TDRD6: variants seen among roughly 807,000 people sequenced by gnomAD.
TDRD6 encodes the protein tudor domain containing 6.
TDRD6 carries 186 observed loss-of-function variants against 157.5 expected under a neutral mutation model. The observed-to-expected ratio is 1.18, with a 90% CI of 1.05 to 1.33. TDRD6 has a LOEUF of 1.33. Among genes scored for constraint, TDRD6 ranks in the 40% most tolerant of loss-of-function variants. TDRD6 has a pLI of 0.00. For missense variants in TDRD6, 3,066 were observed against 2,508.0 expected (o/e 1.22, Z -4.75); for synonymous variants, 1,075 against 945.2 (o/e 1.14, Z -2.52).
At chr6:46,681,839 A>G in the TDRD6 span, among the ~76,000 whole-genome samples, 1 of 152,166 alleles carries the variant, frequency 6.6e-6, no homozygotes, top group Non-Finnish European at 1.5e-5. Flanking sequence ...AAGTGAATAC[A>G]TACATGATTC....
chr6:46,697,171 T>G (rs1295089989), intron 2 of TDRD6, among the ~76,000 whole-genome samples: 1 of 152,330 alleles, frequency 6.6e-6, no homozygotes, highest in East Asian at 1.9e-4. Context: ...CTCTTACATA[T>G]ACCATCTGCT....
chr6:46,700,891 T>C (rs1764608354), intron 3 of TDRD6: 1 of 286,210 alleles, frequency 3.5e-6, no homozygotes, highest in South Asian at 3.0e-5. Flanking sequence ...TAGAAATACA[T>C]TTTGTTGTTT....
rs45448098 is a variant in TDRD6 at position 46,702,990 on chromosome 6, ACTCAGTGTG to A, written c.*1105_*1113del. 1.4e-3 allele frequency: 214 copies of A among 152,196 alleles called. No individual in the cohort carries two copies. Among genetic ancestry groups the A allele is most frequent in the African/African-American group, 5.0e-3 (208 of 41,562 alleles). 9.4% of individuals were successfully genotyped at this position (152,196 alleles called of 1,614,324 possible). A position where few individuals can be genotyped will look rare whatever the true frequency, so the allele number is the denominator to read the frequency against. The stretch of plus-strand genomic sequence containing the variant: ...TGTGTCTTTCTTTACCCTGAAAAAT[ACTCAGTGTG>A]CACTATGTTAGGTTATTTCTTTTTA... On this transcript the variant is annotated 3_prime_UTR_variant, in exon 4 of 4. Coordinates refer to ENST00000316081, the MANE Select transcript of TDRD6 (RefSeq NM_001010870.3).
intron 3 of TDRD6, among the ~76,000 whole-genome samples, chr6:46,700,595 A>G (rs1764600483): frequency 6.6e-6 from 1 of 152,188 alleles, no homozygotes; most frequent in South Asian, 2.1e-4. Flanking sequence ...ATTGGTTGTT[A>G]AAAGGAATAT....
rs1160811782 is a variant in TDRD6 at position 46,690,417 on chromosome 6, TAGTAAAGG to T, written c.2292_2299del (p.Ser764ArgfsTer16). The stretch of plus-strand genomic sequence containing the variant: ...GCTTGGAAATTAAGCCAGGCTCCTC[TAGTAAAGG>T]AGAGCTGGAAGTTGGAAGTACAGTA... On this transcript the variant is annotated frameshift_variant, in exon 1 of 4. Transcript: ENST00000316081. LOFTEE classifies it high-confidence loss of function. 6.2e-7 allele frequency: 1 copy of T among 1,613,924 alleles called. No individual in the cohort carries two copies. Among genetic ancestry groups the T allele is most frequent in the East Asian group, 2.2e-5 (1 of 44,900 alleles).
chr6:46,687,078 T>G (rs1233985698), upstream of TDRD6, among the ~76,000 whole-genome samples: 1 of 152,230 alleles, frequency 6.6e-6, no homozygotes, highest in Non-Finnish European at 1.5e-5. Flanking sequence ...AATGTAGACA[T>G]ATCCTGGAAA....
At chr6:46,698,144 G>T (rs1289023318) in intron 3 of TDRD6, 57 bp downstream of exon 3, 3 of 1,314,204 alleles carry the variant, frequency 2.3e-6, no homozygotes, top group Admixed American at 3.6e-5. Context: ...TTTGAAAGGT[G>T]ATTTAACAAA....
Position 46,695,963 on chromosome 6 carries a change from A to T in TDRD6, c.6171+18A>T. On this transcript the variant is annotated intron_variant, in intron 2 of 3. Coordinates refer to ENST00000316081, the MANE Select transcript of TDRD6 (RefSeq NM_001010870.3). ...GAACAAGGGTAAGTGATGTTTAAGTACTTTATCTCCAAATGTATTTGCAGA... is the reference window on the plus strand; with the variant it reads ...GAACAAGGGTAAGTGATGTTTAAGTTCTTTATCTCCAAATGTATTTGCAGA... 6.2e-7 allele frequency: 1 copy of T among 1,606,236 alleles called. No homozygotes were observed. The highest frequency in any genetic ancestry group is 8.5e-7 in the Non-Finnish European group (1 of 1,176,960).
Position 46,689,654 on chromosome 6 carries a change from A to G in TDRD6, c.1526A>G (p.His509Arg). 2 of 1,614,226 alleles carry G rather than the reference A, an allele frequency of 1.2e-6. No individual in the cohort carries two copies. The highest frequency in any genetic ancestry group is 1.7e-6 in the Non-Finnish European group (2 of 1,180,022). ...PSEFWIRLRK[H>R]NVTFSKLMRR... ...GAGTTTTGGATTAGGTTGAGGAAACACAATGTCACCTTCAGTAAGCTGATG... is the reference window on the plus strand; with the variant it reads ...GAGTTTTGGATTAGGTTGAGGAAACGCAATGTCACCTTCAGTAAGCTGATG... The change falls in exon 1 of 4, where the codon CAC becomes CGC. Residue 509 changes from histidine (H) to arginine (R), a missense_variant. By Grantham distance (29) the His-to-Arg change is conservative. Transcript: ENST00000316081.
In TDRD6 at chr6:46,690,880, C is replaced by G. The variant is rs746576872; in HGVS notation, c.2752C>G (p.Leu918Val). 1 of 1,613,584 alleles carries G rather than the reference C, an allele frequency of 6.2e-7. No individual in the cohort carries two copies. The highest frequency in any genetic ancestry group is 8.5e-7 in the Non-Finnish European group (1 of 1,179,884). Reference sequence around the variant, plus strand: ...TATAGATAATGCATGGCAAAAAAATCTAGAATTAAAATGTACAATATTTGC... The same window carrying G: ...TATAGATAATGCATGGCAAAAAAATGTAGAATTAAAATGTACAATATTTGC... ...EFIDNAWQKN[L>V]ELKCTIFALA... is the part of the protein sequence containing the mutation. Residue 918 changes from leucine to valine, a missense_variant, in exon 1 of 4, where the codon CTA (leucine) becomes GTA (valine). By Grantham distance (32) the Leu-to-Val change is conservative. Coordinates refer to ENST00000316081, the MANE Select transcript of TDRD6 (RefSeq NM_001010870.3).
At chr6:46,696,553 G>A (rs879805432) in intron 2 of TDRD6, among the ~76,000 whole-genome samples, 3 of 43,194 alleles carry the variant, frequency 6.9e-5, no homozygotes, top group Admixed American at 3.5e-4. Context: ...ATGTATATAT[G>A]TGTGTGTGTG....
At position 46,691,861 on chromosome 6, in the gene TDRD6, A is replaced by G. The variant is rs142171769; in HGVS notation, c.3733A>G (p.Asn1245Asp). The change falls in exon 1 of 4, where the codon AAT becomes GAT. Residue 1245 changes from asparagine (N) to aspartate (D), a missense_variant. Physicochemically the swap from Asn to Asp is conservative, Grantham distance 23. Coordinates refer to ENST00000316081, the MANE Select transcript of TDRD6 (RefSeq NM_001010870.3). ...CACTCAATATCAAGACTCTGTGGGAAATAAAAATAGTCAAGTGTTTCCATT... is the reference window on the plus strand; with the variant it reads ...CACTCAATATCAAGACTCTGTGGGAGATAAAAATAGTCAAGTGTTTCCATT... ...LVTQYQDSVG[N>D]KNSQVFPLTT... The G allele has an allele frequency of 8.2e-6, 13 of 1,593,356 alleles. No individual in the cohort carries two copies. Among genetic ancestry groups the G allele is most frequent in the East Asian group, 2.2e-5 (1 of 44,756 alleles).
Position 46,691,948 on chromosome 6 carries a change from G to A in TDRD6, c.3820G>A (p.Ala1274Thr), listed in dbSNP as rs1258811238. Residue 1274 changes from alanine to threonine, a missense_variant, in exon 1 of 4, where the codon GCT (alanine) becomes ACT (threonine). Transcript: ENST00000316081. The part of the protein sequence containing the change: ...ETPLKTARVE[A>T]TLSERKIGDS... ...ACCCTTGAAAACAGCAAGAGTAGAA[G>A]CTACTCTTTCAGAGAGAAAAATAGG... 2.1e-5 allele frequency: 34 copies of A among 1,611,962 alleles called. No homozygotes were observed. Among genetic ancestry groups the A allele is most frequent in the Non-Finnish European group, 2.9e-5 (34 of 1,179,502 alleles).
At position 46,688,680 on chromosome 6, in the gene TDRD6, G is replaced by A. The variant is rs1420167535; in HGVS notation, c.552G>A (p.Val184=). The A allele has an allele frequency of 2.4e-5, 38 of 1,600,254 alleles. No individual in the cohort carries two copies. The highest frequency in any genetic ancestry group is 2.9e-5 in the Non-Finnish European group (34 of 1,179,864). Residue 184 remains valine (V), a synonymous_variant, in exon 1 of 4, where the codon GTG becomes GTA. Transcript: ENST00000316081. The part of the protein sequence containing the change: ...LLLHRLVLLE[V]PDVFQQMREL... ...TCCATCGCCTGGTCCTCCTGGAGGT[G>A]CCTGATGTGTTCCAACAGATGCGGG...
Position 46,703,807 on chromosome 6 carries a change from TA to T in TDRD6, c.*1922del, listed in dbSNP as rs1764685111. 6.6e-6 allele frequency: 1 copy of T among 152,140 alleles called. No individual in the cohort carries two copies. The highest frequency in any genetic ancestry group is 2.1e-4 in the South Asian group (1 of 4,830). 9.4% of individuals were successfully genotyped at this position (152,140 alleles called of 1,614,324 possible). A position where few individuals can be genotyped will look rare whatever the true frequency, so the allele number is the denominator to read the frequency against. ...TTATCCTTCACAGCCTTTGTGTGAGTAACTAATGTATTCTAACTGGAATCCC... is the reference window on the plus strand; with the variant it reads ...TTATCCTTCACAGCCTTTGTGTGAGTACTAATGTATTCTAACTGGAATCCC... On this transcript the variant is annotated 3_prime_UTR_variant, in exon 4 of 4. Coordinates refer to ENST00000316081, the MANE Select transcript of TDRD6 (RefSeq NM_001010870.3).
rs1242449366 is a variant in TDRD6 at position 46,688,688 on chromosome 6, T to G, written c.560T>G (p.Val187Gly). The G allele has an allele frequency of 6.2e-7, 1 of 1,600,340 alleles. No individual in the cohort carries two copies. Among genetic ancestry groups the G allele is most frequent in the Non-Finnish European group, 8.5e-7 (1 of 1,179,806 alleles). ...CTGGTCCTCCTGGAGGTGCCTGATG[T>G]GTTCCAACAGATGCGGGAGCTGGGC... is the stretch of plus-strand genomic sequence containing the variant. ...HRLVLLEVPD[V>G]FQQMRELGLA... The change falls in exon 1 of 4, where the codon GTG becomes GGG. Residue 187 changes from valine (V) to glycine (G), a missense_variant. Transcript: ENST00000316081.
Position 46,693,659 on chromosome 6 carries a change from A to T in TDRD6, c.5531A>T (p.Glu1844Val). 6.2e-7 allele frequency: 1 copy of T among 1,614,220 alleles called. No homozygotes were observed. Among genetic ancestry groups the T allele is most frequent in the Non-Finnish European group, 8.5e-7 (1 of 1,180,044 alleles). ...SLEVPLSPDDESKEFLELESI... is the reference protein window; with the variant it reads ...SLEVPLSPDDVSKEFLELESI... The stretch of plus-strand genomic sequence containing the variant: ...GAGGTGCCGCTTTCTCCTGATGATG[A>T]ATCAAAAGAATTCTTAGAACTGGAA... Residue 1844 changes from glutamate (E) to valine (V), a missense_variant, in exon 1 of 4, where the codon GAA becomes GTA. Physicochemically the swap from Glu to Val is moderately radical, Grantham distance 121. Coordinates refer to ENST00000316081, the MANE Select transcript of TDRD6 (RefSeq NM_001010870.3).
chr6:46,686,210 T>C (rs548170007), upstream of TDRD6, among the ~76,000 whole-genome samples: 5 of 152,146 alleles, frequency 3.3e-5, no homozygotes, highest in African/African-American at 1.2e-4. Flanking sequence ...GAACCTGAAA[T>C]AGATGATGGA....
At chr6:46,701,097 A>G in intron 3 of TDRD6, 1 of 395,244 alleles carries the variant, frequency 2.5e-6, no homozygotes, top group South Asian at 2.0e-5. Context: ...TACTTTTATC[A>G]CCCAGAATTA....
Sources: allele counts gnomAD v4.1 joint callset (sites outside exome capture counted in the v4.1 genomes callset), GRCh38; gene constraint gnomAD v4.1.1; transcripts MANE v1.5; gene names NCBI Gene and HGNC (gene_info 2026-07-23, HGNC 2026-07-21).